EIF5B: variants seen among roughly 807,000 people sequenced by gnomAD.
EIF5B encodes eukaryotic translation initiation factor 5B.
Under a neutral mutation model 147.5 loss-of-function variants are expected in EIF5B, and 47 were observed. That is an observed-to-expected ratio of 0.32 (90% CI 0.25 to 0.41). The LOEUF (loss-of-function observed/expected upper bound fraction) is 0.41. Among genes scored for constraint, EIF5B ranks in the 10% least tolerant of loss-of-function variants. The probability of loss-of-function intolerance (pLI) is 1.00; values close to 1 mark genes in which losing one functional copy is unlikely to be tolerated. For missense variants in EIF5B, 1,064 were observed against 1,413.2 expected (o/e 0.75, Z 3.96); for synonymous variants, 455 against 456.2 (o/e 1.00, Z 0.03).
chr2:99,349,278 G>T (rs72815068), intron 1 of EIF5B, among the ~76,000 whole-genome samples: 1,651 of 152,270 alleles, frequency 0.011, 12 homozygotes, highest in Non-Finnish European at 0.018. Context: ...TGGTAAAAAG[G>T]AGTCTTAGAC....
At chr2:99,389,204 T>C (rs1255889286) in intron 14 of EIF5B, among the ~76,000 whole-genome samples, 1 of 152,200 alleles carries the variant, frequency 6.6e-6, no homozygotes, top group African/African-American at 2.4e-5. Flanking sequence ...GTATTTTTCA[T>C]TTCTTCTATG....
intron 1 of EIF5B, among the ~76,000 whole-genome samples, chr2:99,343,909 G>A (rs2094266486): frequency 6.7e-6 from 1 of 149,612 alleles, no homozygotes; most frequent in Non-Finnish European, 1.5e-5. Context: ...GTATGATGTA[G>A]GGGTTCATCT....
chr2:99,352,876 G>A (rs1674001010), intron 1 of EIF5B, among the ~76,000 whole-genome samples: 2 of 151,902 alleles, frequency 1.3e-5, no homozygotes, highest in African/African-American at 2.4e-5. Flanking sequence ...TCAAGTTGGA[G>A]TGCAGTGGCA....
intron 14 of EIF5B, among the ~76,000 whole-genome samples, chr2:99,386,239 T>C (rs1178685885): frequency 1.3e-5 from 2 of 152,246 alleles, no homozygotes; most frequent in East Asian, 3.8e-4. Context: ...CAGTGACTAA[T>C]GGCTTTATGC....
intron 22 of EIF5B, 46 bp downstream of exon 22, chr2:99,396,944 A>T (rs559226470): frequency 6.4e-7 from 1 of 1,568,548 alleles, no homozygotes; most frequent in Admixed American, 1.9e-5. Flanking sequence ...TAAAGCACTA[A>T]ATGAGTGTCC....
chr2:99,348,236 TC>T (rs879411512), intron 1 of EIF5B, among the ~76,000 whole-genome samples: 1 of 152,200 alleles, frequency 6.6e-6, no homozygotes, highest in African/African-American at 2.4e-5. Flanking sequence ...TGGTTTCATA[TC>T]CCTTTTAAAG....
At chr2:99,365,174 T>A (rs62155771) in intron 6 of EIF5B, among the ~76,000 whole-genome samples, 2,273 of 152,350 alleles carry the variant, frequency 0.015, 27 homozygotes, top group Middle Eastern at 0.031. Context: ...TATGCTATAA[T>A]TACAGTAATA....
intron 22 of EIF5B, 86 bp from the exon 23 acceptor site, chr2:99,398,662 T>C (rs1367733756): frequency 2.2e-6 from 3 of 1,377,180 alleles, no homozygotes; most frequent in Non-Finnish European, 3.0e-6. Context: ...GCTTTTGCTC[T>C]AGTTCTTACT....
chr2:99,400,273 C>CTGTT lies in EIF5B; in HGVS notation c.*861_*864dup, dbSNP rs1020739717. On this transcript the variant is annotated 3_prime_UTR_variant, in exon 24 of 24. Coordinates refer to ENST00000289371, the MANE Select transcript of EIF5B (RefSeq NM_015904.4). ...GAGATTTTTATACATTAATCTTGAT[C>CTGTT]TGTTTTAATCTTGATCTGTTTTGTC... The CTGTT allele has an allele frequency of 5.7e-4, 85 of 148,816 alleles. No homozygotes were observed. Among genetic ancestry groups the CTGTT allele is most frequent in the African/African-American group, 1.9e-3 (73 of 38,320 alleles). 9.2% of individuals were successfully genotyped at this position (148,816 alleles called of 1,614,324 possible).
chr2:99,387,832 AT>A (rs2104241977), intron 14 of EIF5B, among the ~76,000 whole-genome samples: 1 of 152,026 alleles, frequency 6.6e-6, no homozygotes, highest in African/African-American at 2.4e-5. Context: ...TTTAAAAATT[AT>A]TTTTCATTTT....
chr2:99,359,225 C>T (rs1044873778), intron 1 of EIF5B, among the ~76,000 whole-genome samples: 5 of 151,482 alleles, frequency 3.3e-5, no homozygotes, highest in East Asian at 2.0e-4. Context: ...AAAAATGAAC[C>T]GGGCATGGTG....
chr2:99,398,760 G>A lies in EIF5B; in HGVS notation c.3406G>A (p.Gly1136Arg). The A allele has an allele frequency of 1.2e-6, 2 of 1,610,100 alleles. No individual in the cohort carries two copies. The highest frequency in any genetic ancestry group is 1.7e-6 in the Non-Finnish European group (2 of 1,178,630). ...CVPSKNFVDIGIVTSIEINHK... is the reference protein window; with the variant it reads ...CVPSKNFVDIRIVTSIEINHK... ...TCTTATTTTATAGTTTGTTGACATC[G>A]GAATAGTAACAAGTATTGAAATAAA... The change falls in exon 23 of 24, where the codon GGA becomes AGA. Residue 1136 changes from glycine to arginine, a missense_variant. Physicochemically the swap from Gly to Arg is moderately radical, Grantham distance 125 (BLOSUM62 -2). Coordinates refer to ENST00000289371, the MANE Select transcript of EIF5B (RefSeq NM_015904.4).
In EIF5B at chr2:99,401,286, C is replaced by T. The variant is rs760496438; in HGVS notation, c.*1872C>T. 5 of 1,613,694 alleles carry T rather than the reference C, an allele frequency of 3.1e-6. No homozygotes were observed. In the South Asian group the frequency reaches 4.4e-5, roughly 14 times the overall value. The stretch of plus-strand genomic sequence containing the variant: ...TTCCATAAGTTTGTTGTAAAACCAC[C>T]TGGACATTGTCAAGAATAAAGTCAA... On this transcript the variant is annotated 3_prime_UTR_variant, in exon 24 of 24. Transcript: ENST00000289371.
chr2:99,361,431 G>A lies in EIF5B; in HGVS notation c.530G>A (p.Arg177His), dbSNP rs779767617. 31 of 1,613,694 alleles carry A rather than the reference G, an allele frequency of 1.9e-5. No homozygotes were observed. Among genetic ancestry groups the A allele is most frequent in the South Asian group, 1.3e-4 (12 of 91,066 alleles). ...GATAACAGTAAAAAAATTAAAGAGC[G>A]TTCAAGAATAAATTCTTCTGGTGAA... ...DEDNSKKIKE[R>H]SRINSSGESG... Residue 177 changes from arginine (R) to histidine (H), a missense_variant, in exon 4 of 24, where the codon CGT becomes CAT. Physicochemically the swap from Arg to His is conservative, Grantham distance 29. Coordinates refer to ENST00000289371, the MANE Select transcript of EIF5B (RefSeq NM_015904.4).
At chr2:99,395,287 A>G (rs1675019090) in intron 21 of EIF5B, among the ~76,000 whole-genome samples, 1 of 152,228 alleles carries the variant, frequency 6.6e-6, no homozygotes, top group Non-Finnish European at 1.5e-5. Flanking sequence ...CAGTACCTAC[A>G]TTGCTGCAGT....
Position 99,345,350 on chromosome 2 carries a change from T to C in EIF5B, c.35+7761T>C, listed in dbSNP as rs1050882896. ...GCTCGTGCCTGTAATTGCAGAACTT[T>C]GGGAGGCCATGGCGGGTGGATCAGT... is the stretch of plus-strand genomic sequence containing the variant. On this transcript the variant is annotated intron_variant, in intron 1 of 23. Transcript: ENST00000289371. 1.2e-4 allele frequency among the ~76,000 whole-genome samples: 18 copies of C among 152,218 alleles called. 1 individual carries two copies. The South Asian group carries it at 3.7e-3, about 32-fold the overall frequency.
intron 1 of EIF5B, among the ~76,000 whole-genome samples, chr2:99,354,856 G>C (rs1186076745): frequency 7.2e-6 from 1 of 139,616 alleles, no homozygotes; most frequent in Non-Finnish European, 1.5e-5. Context: ...AGGCCGTAGT[G>C]CAGTGGTGCT....
chr2:99,352,525 CTT>C (rs1163069277), intron 1 of EIF5B, among the ~76,000 whole-genome samples: 34 of 128,066 alleles, frequency 2.7e-4, no homozygotes, highest in Non-Finnish European at 3.2e-4. Flanking sequence ...CTAATTGTGT[CTT>C]TTTTTTTTTT....
intron 6 of EIF5B, 99 bp from the exon 7 acceptor site, chr2:99,368,394 A>G: frequency 3.7e-6 from 3 of 820,092 alleles, no homozygotes; most frequent in Non-Finnish European, 4.0e-6. Flanking sequence ...ATTTTAGGGT[A>G]TGTGTCTCTG....
Sources: gnomAD v4.1 joint callset for allele counts (sites outside exome capture counted in the v4.1 genomes callset) on GRCh38, gnomAD v4.1.1 for gene constraint, MANE v1.5 for transcripts, NCBI Gene and HGNC (gene_info 2026-07-23, HGNC 2026-07-21) for gene names.